Variants in IFNGR1 observed in about 807,000 individuals in gnomAD.
IFNGR1 encodes AVP, type 2.
A neutral mutation model predicts 35.4 loss-of-function variants in IFNGR1; 23 were observed. The ratio of observed to expected loss-of-function variants is 0.65; its 90% confidence interval spans 0.47 to 0.92. The LOEUF is 0.92. Ranked by LOEUF, IFNGR1 falls within the 40% of genes least tolerant of loss-of-function variation. IFNGR1 has a pLI of 0.00. For missense variants in IFNGR1, 533 were observed against 583.4 expected, an observed-to-expected ratio of 0.91 and a Z score of 0.89; for synonymous variants, 199 against 209.5, an observed-to-expected ratio of 0.95 and a Z score of 0.43.
intron 5 of IFNGR1, among the ~76,000 whole-genome samples, chr6:137,202,008 A>G (rs113538890): frequency 5.5e-4 from 83 of 152,174 alleles, no homozygotes; most frequent in African/African-American, 1.9e-3. Flanking sequence ...TCTCTTCCAA[A>G]TTAACAGCAC....
At chr6:137,203,476 G>GA (rs779466995) in intron 5 of IFNGR1, 23 bp downstream of exon 5, 43 of 1,310,944 alleles carry the variant, frequency 3.3e-5, no homozygotes, top group Non-Finnish European at 4.4e-5. Flanking sequence ...TCTATATTTA[G>GA]AAAAAAAATG....
At chr6:137,203,733 GAAA>G (rs34561084) in intron 4 of IFNGR1, 48 bp from the exon 5 acceptor site, 1,753 of 1,205,482 alleles carry the variant, frequency 1.5e-3, no homozygotes, top group Non-Finnish European at 1.8e-3. Flanking sequence ...CTTTTAATCT[GAAA>G]AAAAAAAAAA....
At chr6:137,214,569 C>A (rs907362946) in intron 1 of IFNGR1, among the ~76,000 whole-genome samples, 1 of 152,144 alleles carries the variant, frequency 6.6e-6, no homozygotes, top group Non-Finnish European at 1.5e-5. Flanking sequence ...ATTTTTCCCT[C>A]GCACCACCAC....
intron 2 of IFNGR1, 27 bp from the exon 3 acceptor site, chr6:137,206,335 T>C: frequency 6.5e-7 from 1 of 1,530,636 alleles, no homozygotes. Context: ...AATGCGAAGA[T>C]AACTTTTATT....
chr6:137,199,541 T>TTATAA (rs1779220245), intron 6 of IFNGR1, among the ~76,000 whole-genome samples: 1 of 73,310 alleles, frequency 1.4e-5, no homozygotes, highest in African/African-American at 4.7e-5. Flanking sequence ...ATATAATATA[T>TTATAA]ATTATATAAC....
chr6:137,213,949 G>A (rs1315260130), intron 1 of IFNGR1, among the ~76,000 whole-genome samples: 2 of 152,154 alleles, frequency 1.3e-5, no homozygotes, highest in Non-Finnish European at 2.9e-5. Context: ...ATCTATGGTG[G>A]AACAGGGCTA....
chr6:137,218,589 T>TCC lies in IFNGR1; in HGVS notation c.85+652_85+653dup, dbSNP rs201457622. 3.4e-5 allele frequency: 21 copies of TCC among 612,806 alleles called. No homozygotes were observed. The East Asian group carries it at 6.6e-4, about 19-fold the overall frequency. The allele number at this position is 612,806 out of a possible 1,614,324, so 38.0% of individuals were successfully genotyped here. A position where few individuals can be genotyped will look rare whatever the true frequency, so the allele number is the denominator to read the frequency against. ...ACTTTCCTACCCTAAGCACTTTGAG[T>TCC]CCCCCCCCCCACCCCCGCTAAGAAA... On this transcript the variant is annotated intron_variant, in intron 1 of 6. Transcript: ENST00000367739.
intron 6 of IFNGR1, among the ~76,000 whole-genome samples, 185 bp from the exon 7 acceptor site, chr6:137,198,824 T>C (rs752841050): frequency 1.3e-5 from 2 of 152,190 alleles, no homozygotes; most frequent in African/African-American, 4.8e-5. Flanking sequence ...GTTTTAGAAT[T>C]TTTAAAAAGC....
rs1779135830 is a variant in IFNGR1 at position 137,198,099 on chromosome 6, C to G, written c.1402G>C (p.Val468Leu). ...DKPHVLVDLL[V>L]DDSGKESLIG... Reference sequence around the variant, plus strand: ...AAGGACTCTTTACCGCTATCATCCACAAGTAGATCCACTAGCACATGTGGT... The same window carrying G: ...AAGGACTCTTTACCGCTATCATCCAGAAGTAGATCCACTAGCACATGTGGT... Residue 468 changes from valine (V) to leucine (L), a missense_variant, in exon 7 of 7, where the codon GTG becomes CTG. By Grantham distance (32) the Val-to-Leu change is conservative. Coordinates refer to ENST00000367739, the MANE Select transcript of IFNGR1 (RefSeq NM_000416.3). 1 of 1,614,166 alleles carries G rather than the reference C, an allele frequency of 6.2e-7. No individual in the cohort carries two copies.
At chr6:137,206,339 TTTTA>T in intron 2 of IFNGR1, 31 bp from the exon 3 acceptor site, 1 of 1,516,706 alleles carries the variant, frequency 6.6e-7, no homozygotes, top group Non-Finnish European at 9.2e-7. Context: ...CGAAGATAAC[TTTTA>T]TTGTTATTAA....
chr6:137,199,304 ATATATAT>A (rs1421249170), intron 6 of IFNGR1, among the ~76,000 whole-genome samples: 1 of 133,416 alleles, frequency 7.5e-6, no homozygotes, highest in Non-Finnish European at 1.5e-5. Context: ...AATATAATTA[ATATATAT>A]TATATAATAT....
chr6:137,215,343 GATTTT>G, intron 1 of IFNGR1: 1 of 1,543,540 alleles, frequency 6.5e-7, no homozygotes, highest in Non-Finnish European at 8.7e-7. Context: ...AATGTTTCCT[GATTTT>G]ATTACATTAT....
chr6:137,219,379 C>T lies in IFNGR1; in HGVS notation c.-52G>A. 6.4e-7 allele frequency: 1 copy of T among 1,566,906 alleles called. No homozygotes were observed. The highest frequency in any genetic ancestry group is 2.3e-5 in the East Asian group (1 of 42,574). On this transcript the variant is annotated 5_prime_UTR_variant, in exon 1 of 7. Coordinates refer to ENST00000367739, the MANE Select transcript of IFNGR1 (RefSeq NM_000416.3). ...ACCCCGAGCGCCTGCGGGACCAGCC[C>T]AGCACTGCCCTCCAGCCCCGGCCTT...
Position 137,197,868 on chromosome 6 carries a change from G to T in IFNGR1, c.*163C>A. ...AGTCTGTACTTTACAAGCCAAAAGTGAAAATGCCACACATCCTCTTTACGC... is the reference window on the plus strand; with the variant it reads ...AGTCTGTACTTTACAAGCCAAAAGTTAAAATGCCACACATCCTCTTTACGC... On this transcript the variant is annotated 3_prime_UTR_variant, in exon 7 of 7. Coordinates refer to ENST00000367739, the MANE Select transcript of IFNGR1 (RefSeq NM_000416.3). 1 of 867,842 alleles carries T rather than the reference G, an allele frequency of 1.2e-6. No homozygotes were observed. Among genetic ancestry groups the T allele is most frequent in the Non-Finnish European group, 1.8e-6 (1 of 570,642 alleles). The allele number at this position is 867,842 out of a possible 1,614,324, so 53.8% of individuals were successfully genotyped here.
chr6:137,200,185 T>C (rs980181546), intron 6 of IFNGR1, among the ~76,000 whole-genome samples: 1 of 152,220 alleles, frequency 6.6e-6, no homozygotes, highest in Non-Finnish European at 1.5e-5. Flanking sequence ...TGAGAGTTCT[T>C]ATCCACTTTA....
At chr6:137,218,533 CACTT>C (rs1433942090) in intron 1 of IFNGR1, 8 of 1,289,050 alleles carry the variant, frequency 6.2e-6, no homozygotes, top group East Asian at 5.6e-5. Flanking sequence ...TCTCAGCTGC[CACTT>C]ACTTCTCAGC....
intron 1 of IFNGR1, among the ~76,000 whole-genome samples, chr6:137,213,125 T>C (rs1033665648): frequency 6.6e-6 from 1 of 152,238 alleles, no homozygotes; most frequent in African/African-American, 2.4e-5. Flanking sequence ...TAAATTGTTA[T>C]ATATTCAGAT....
intron 1 of IFNGR1, among the ~76,000 whole-genome samples, chr6:137,211,215 A>G (rs1779566126): frequency 6.6e-6 from 1 of 152,106 alleles, no homozygotes; most frequent in South Asian, 2.1e-4. Flanking sequence ...AAAATAATAT[A>G]GCCCCAAATG....
intron 1 of IFNGR1, among the ~76,000 whole-genome samples, chr6:137,212,687 A>ACTTAGGAAGGGGCTACTGAATC (rs1779605171): frequency 2.0e-5 from 3 of 152,370 alleles, no homozygotes; most frequent in South Asian, 4.1e-4. Flanking sequence ...GTGCATTTGT[A>ACTTAGGAAGGGGCTACTGAATC]CTTAGGAAGG....
Sources: gnomAD v4.1 joint callset for allele counts (sites outside exome capture counted in the v4.1 genomes callset) on GRCh38, gnomAD v4.1.1 for gene constraint, MANE v1.5 for transcripts, NCBI Gene and HGNC (gene_info 2026-07-23, HGNC 2026-07-21) for gene names.